Variants in SVOPL observed in about 807,000 individuals in gnomAD.
SVOPL encodes putative transporter SVOPL.
A neutral mutation model predicts 61.0 loss-of-function variants in SVOPL; 60 were observed. That is an observed-to-expected ratio of 0.98 (90% CI 0.80 to 1.22). The LOEUF is 1.22. Ranked by LOEUF, SVOPL falls within the 50% of genes most tolerant of loss-of-function variation. SVOPL has a pLI of 0.00. For missense variants in SVOPL, 662 were observed against 643.9 expected, an observed-to-expected ratio of 1.03 and a Z score of -0.30; for synonymous variants, 279 against 250.0, an observed-to-expected ratio of 1.12 and a Z score of -1.09.
At chr7:138,693,572 AGAAAAAAG>A (rs761572931) in intron 1 of SVOPL, among the ~76,000 whole-genome samples, 17 of 125,440 alleles carry the variant, frequency 1.4e-4, no homozygotes, top group Admixed American at 3.9e-4. Flanking sequence ...AAAGAAAGAA[AGAAAAAAG>A]GAAAGAAAGA....
intron 15 of SVOPL, among the ~76,000 whole-genome samples, chr7:138,595,289 A>G (rs866313465): frequency 2.6e-5 from 4 of 152,226 alleles, no homozygotes; most frequent in Non-Finnish European, 4.4e-5. Context: ...AGGTGGTTTC[A>G]TATGGTAACC....
chr7:138,598,577 G>T (rs1431080517), intron 14 of SVOPL, among the ~76,000 whole-genome samples: 2 of 152,006 alleles, frequency 1.3e-5, no homozygotes, highest in Admixed American at 1.3e-4. Flanking sequence ...GGCCCTAAAA[G>T]GATCCTCAAG....
intron 13 of SVOPL, 130 bp downstream of exon 13, chr7:138,625,839 C>CT (rs1799866995): frequency 1.1e-6 from 1 of 900,566 alleles, no homozygotes; most frequent in Non-Finnish European, 1.7e-6. Context: ...CTTCTGGTGT[C>CT]TTTTTAACAG....
chr7:138,636,325 G>C (rs1231018528), intron 9 of SVOPL, among the ~76,000 whole-genome samples: 1 of 152,134 alleles, frequency 6.6e-6, no homozygotes, highest in African/African-American at 2.4e-5. Flanking sequence ...ACTGACATTA[G>C]TTATAAAATG....
chr7:138,656,553 A>C, intron 6 of SVOPL, 42 bp from the exon 7 acceptor site: 2 of 1,597,464 alleles, frequency 1.3e-6, no homozygotes, highest in African/African-American at 1.3e-5. Flanking sequence ...GTTTTAAAAA[A>C]CTAAATCATC....
chr7:138,628,130 G>C (rs1359421528), intron 11 of SVOPL, 28 bp downstream of exon 11: 3 of 1,613,684 alleles, frequency 1.9e-6, no homozygotes, highest in African/African-American at 1.3e-5. Flanking sequence ...CCAAGACAGA[G>C]AGACCCAACA....
At chr7:138,613,097 G>T (rs1584781379) in intron 14 of SVOPL, among the ~76,000 whole-genome samples, 1 of 151,724 alleles carries the variant, frequency 6.6e-6, no homozygotes. Flanking sequence ...CTGGCTCACT[G>T]TCACCTCTGT....
chr7:138,690,256 G>A (rs1802912005), intron 1 of SVOPL, among the ~76,000 whole-genome samples: 1 of 152,176 alleles, frequency 6.6e-6, no homozygotes. Context: ...ATACATGAAT[G>A]GTCAGAGAAG....
chr7:138,646,938 G>A (rs760152621), intron 8 of SVOPL, among the ~76,000 whole-genome samples: 4 of 152,190 alleles, frequency 2.6e-5, no homozygotes, highest in Non-Finnish European at 2.9e-5. Flanking sequence ...CAGCAAAAGT[G>A]CACTGCATAG....
chr7:138,616,520 G>C (rs376168772), intron 14 of SVOPL, among the ~76,000 whole-genome samples: 17 of 152,146 alleles, frequency 1.1e-4, no homozygotes, highest in African/African-American at 4.1e-4. Flanking sequence ...ATTTTTAGTA[G>C]AGACAGGGTT....
chr7:138,632,332 G>A (rs1250954674), intron 9 of SVOPL, among the ~76,000 whole-genome samples: 3 of 152,236 alleles, frequency 2.0e-5, no homozygotes, highest in African/African-American at 4.8e-5. Flanking sequence ...TGCTCTGGAG[G>A]CTGAGGCAGG....
chr7:138,609,882 G>A (rs551325332), intron 14 of SVOPL, among the ~76,000 whole-genome samples: 1 of 152,036 alleles, frequency 6.6e-6, no homozygotes, highest in South Asian at 2.1e-4. Flanking sequence ...AAAGGCACCC[G>A]CCACCACACT....
intron 9 of SVOPL, among the ~76,000 whole-genome samples, chr7:138,635,678 T>A (rs1025601680): frequency 3.3e-5 from 5 of 152,126 alleles, no homozygotes; most frequent in African/African-American, 1.2e-4. Context: ...GGTGAAGTCT[T>A]GCAGTTAGTT....
At chr7:138,602,580 GC>G (rs1798577702) in intron 14 of SVOPL, among the ~76,000 whole-genome samples, 1 of 151,916 alleles carries the variant, frequency 6.6e-6, no homozygotes, top group Non-Finnish European at 1.5e-5. Context: ...TTTGCTGATG[GC>G]CTTTAAGCCT....
At chr7:138,685,153 G>A (rs10246581) in intron 1 of SVOPL, among the ~76,000 whole-genome samples, 76,428 of 151,634 alleles carry the variant, frequency 0.5, 21,433 homozygotes, top group African/African-American at 0.76. Context: ...GCTGGTCTCC[G>A]ACTCCCGACC....
intron 13 of SVOPL, among the ~76,000 whole-genome samples, chr7:138,622,616 A>G (rs901464045): frequency 6.8e-6 from 1 of 147,500 alleles, no homozygotes; most frequent in African/African-American, 2.5e-5. Flanking sequence ...CCTTTTTAAC[A>G]TTTTATTAAA....
intron 13 of SVOPL, among the ~76,000 whole-genome samples, chr7:138,625,530 A>C (rs572540262): frequency 1.3e-5 from 2 of 152,352 alleles, no homozygotes; most frequent in African/African-American, 2.4e-5. Context: ...TCAATAAATT[A>C]ATAAAGAATA....
At chr7:138,687,603 G>A (rs1802848197) in intron 1 of SVOPL, among the ~76,000 whole-genome samples, 1 of 150,774 alleles carries the variant, frequency 6.6e-6, no homozygotes, top group African/African-American at 2.4e-5. Flanking sequence ...TGCCCAGGCT[G>A]GAGTGCTACC....
intron 1 of SVOPL, among the ~76,000 whole-genome samples, chr7:138,679,459 G>A (rs920845078): frequency 2.0e-5 from 3 of 152,066 alleles, no homozygotes; most frequent in Admixed American, 2.0e-4. Flanking sequence ...ATTTTGTAGA[G>A]ACAGGGTTTC....
Sources: allele counts gnomAD v4.1 joint callset (sites outside exome capture counted in the v4.1 genomes callset), GRCh38; gene constraint gnomAD v4.1.1; transcripts MANE v1.5; gene names NCBI Gene and HGNC (gene_info 2026-07-23, HGNC 2026-07-21).